Variants in SPATA6L observed in about 807,000 individuals in gnomAD.
SPATA6L encodes the protein spermatogenesis associated 6-like protein.
A neutral mutation model predicts 49.2 loss-of-function variants in SPATA6L; 68 were observed. The observed-to-expected ratio is 1.38, with a 90% CI of 1.14 to 1.69. SPATA6L has a LOEUF of 1.69. SPATA6L is among the 40% of genes most tolerant of loss of function. SPATA6L has a pLI of 0.00. For missense variants in SPATA6L, 668 were observed against 464.3 expected (o/e 1.44, Z -4.03); for synonymous variants, 198 against 165.7 (o/e 1.19, Z -1.50).
intron 7 of SPATA6L, 21 bp from the exon 8 acceptor site, chr9:4,618,919 C>G (rs1448911750): frequency 1.2e-6 from 2 of 1,611,576 alleles, no homozygotes; most frequent in East Asian, 2.2e-5. Flanking sequence ...GAGGAACAGG[C>G]ATTTCAATGA....
chr9:4,590,630 G>A (rs975281748), intron 13 of SPATA6L, among the ~76,000 whole-genome samples: 2 of 152,074 alleles, frequency 1.3e-5, no homozygotes, highest in Non-Finnish European at 2.9e-5. Flanking sequence ...CTCTTCTAGG[G>A]GATTTCCACT....
At chr9:4,617,325 A>C (rs1347102530) in intron 9 of SPATA6L, 1 of 152,236 alleles carries the variant, frequency 6.6e-6, no homozygotes, top group Admixed American at 6.5e-5. Context: ...TGGTTTGCCT[A>C]AGATTCAAGG....
intron 4 of SPATA6L, 105 bp from the exon 5 acceptor site, chr9:4,629,273 GC>G: frequency 2.9e-6 from 2 of 684,880 alleles, no homozygotes; most frequent in African/African-American, 1.8e-5. Flanking sequence ...CTTCTGTGTG[GC>G]ATAATCCACA....
rs1822949225 is a variant in SPATA6L, at chr9:4,600,483, C to CAGAGAGAAAGAGAGAGAGAGAGAG, written c.*327_*328insCTCTCTCTCTCTCTCTTTCTCTCT. ...TTTGAGAGAGAGAGACAGAGAGAGCCAGAGAGAGCCAGAGAGAGAGAGAGG... is the reference window on the plus strand; with the variant it reads ...TTTGAGAGAGAGAGACAGAGAGAGCCAGAGAGAAAGAGAGAGAGAGAGAGAGAGAGAGCCAGAGAGAGAGAGAGG... On this transcript the variant is annotated 3_prime_UTR_variant, in exon 12 of 12. Transcript: ENST00000682582. 1 of 19,440 alleles carries CAGAGAGAAAGAGAGAGAGAGAGAG rather than the reference C, an allele frequency of 5.1e-5. No individual in the cohort carries two copies. The highest frequency in any genetic ancestry group is 1.7e-4 in the African/African-American group (1 of 5,868). The allele number at this position is 19,440 out of a possible 1,614,324, so 1.2% of individuals were successfully genotyped here. A position where few individuals can be genotyped will look rare whatever the true frequency, so the allele number is the denominator to read the frequency against.
At chr9:4,605,296 G>A (rs1019371591) in intron 10 of SPATA6L, 51 bp downstream of exon 10, 9 of 1,407,472 alleles carry the variant, frequency 6.4e-6, no homozygotes, top group African/African-American at 5.6e-5. Context: ...GTAGGTCCCT[G>A]TTCACATATT....
At chr9:4,619,432 A>G (rs1267065010) in intron 7 of SPATA6L, among the ~76,000 whole-genome samples, 1 of 152,130 alleles carries the variant, frequency 6.6e-6, no homozygotes, top group African/African-American at 2.4e-5. Flanking sequence ...TCCTGGGATT[A>G]CAGGTGTAAG....
intron 9 of SPATA6L, among the ~76,000 whole-genome samples, chr9:4,616,907 A>G (rs1238981797): frequency 1.3e-5 from 2 of 152,170 alleles, no homozygotes; most frequent in Non-Finnish European, 2.9e-5. Context: ...TTAAAAATCT[A>G]TGTTGTATTA....
At chr9:4,649,062 TACACACAC>T (rs55949521) in intron 3 of SPATA6L, among the ~76,000 whole-genome samples, 4,452 of 150,134 alleles carry the variant, frequency 0.03, 181 homozygotes, top group African/African-American at 0.097. Flanking sequence ...TATAGAAATA[TACACACAC>T]ACACACACAC....
At chr9:4,592,939 GA>G (rs944233970) in intron 13 of SPATA6L, among the ~76,000 whole-genome samples, 1 of 152,014 alleles carries the variant, frequency 6.6e-6, no homozygotes, top group Non-Finnish European at 1.5e-5. Context: ...AGTGGTTTAA[GA>G]AAAAAAGAAT....
At chr9:4,654,947 G>A (rs796579285) in intron 3 of SPATA6L, among the ~76,000 whole-genome samples, 4 of 152,124 alleles carry the variant, frequency 2.6e-5, no homozygotes, top group Admixed American at 6.5e-5. Flanking sequence ...TTCCTGTACC[G>A]AGCACTTCCC....
chr9:4,649,041 A>ATT (rs1000227505), intron 3 of SPATA6L, among the ~76,000 whole-genome samples: 1 of 137,636 alleles, frequency 7.3e-6, no homozygotes, highest in Non-Finnish European at 1.5e-5. Flanking sequence ...ATTCCATCAT[A>ATT]TATAATGGAA....
At chr9:4,621,130 C>T (rs1282475546) in intron 7 of SPATA6L, among the ~76,000 whole-genome samples, 1 of 152,188 alleles carries the variant, frequency 6.6e-6, no homozygotes, top group Non-Finnish European at 1.5e-5. Context: ...TCCAGTACTA[C>T]CAGCAGGCAA....
rs1220971143 is a variant in SPATA6L, at chr9:4,619,686, C to G, written c.773-788G>C. Among the ~76,000 whole-genome samples, 4 of 151,906 alleles carry G rather than the reference C, an allele frequency of 2.6e-5. No homozygotes were observed. In the East Asian group the frequency reaches 7.7e-4, roughly 29 times the overall value. On this transcript the variant is annotated intron_variant, in intron 7 of 11. Transcript: ENST00000682582. Reference sequence around the variant, plus strand: ...TGCAGGAGCTCTTGAATATATTTGTCCAAGGTAGACACAAATGTTAAATTG... The same window carrying G: ...TGCAGGAGCTCTTGAATATATTTGTGCAAGGTAGACACAAATGTTAAATTG...
Position 4,599,462 on chromosome 9 carries a change from C to G in SPATA6L, c.*1349G>C, listed in dbSNP as rs933477451. On this transcript the variant is annotated 3_prime_UTR_variant, in exon 12 of 12. Coordinates refer to ENST00000682582, the MANE Select transcript of SPATA6L (RefSeq NM_001353486.2). ...GTGAGAAAAGAAAACTTGGCTCTCA[C>G]TGAATCTTCTAAAAACTGAACAAGT... 6.6e-6 allele frequency among the ~76,000 whole-genome samples: 1 copy of G among 152,224 alleles called. No homozygotes were observed. The highest frequency in any genetic ancestry group is 1.5e-5 in the Non-Finnish European group (1 of 68,040).
At chr9:4,607,753 C>G (rs1046456887) in intron 9 of SPATA6L, among the ~76,000 whole-genome samples, 1 of 152,122 alleles carries the variant, frequency 6.6e-6, no homozygotes, top group East Asian at 1.9e-4. Flanking sequence ...GCAAAATAAC[C>G]AGCTAACATC....
chr9:4,644,163 A>G (rs1039127985), intron 3 of SPATA6L, among the ~76,000 whole-genome samples: 2 of 134,516 alleles, frequency 1.5e-5, no homozygotes, highest in African/African-American at 5.3e-5. Context: ...CCTAGGCAAC[A>G]TAGTAAGATG....
intron 13 of SPATA6L, among the ~76,000 whole-genome samples, chr9:4,589,340 G>A (rs910779238): frequency 6.6e-6 from 1 of 152,146 alleles, no homozygotes; most frequent in Non-Finnish European, 1.5e-5. Flanking sequence ...TTAACATGGG[G>A]TAATCCGTAG....
chr9:4,608,306 C>A (rs1586993122), intron 9 of SPATA6L, among the ~76,000 whole-genome samples: 1 of 77,710 alleles, frequency 1.3e-5, no homozygotes, highest in South Asian at 5.2e-4. Flanking sequence ...TAATAGACAT[C>A]TACAGAACTC....
At chr9:4,645,082 T>C (rs1835059293) in intron 3 of SPATA6L, among the ~76,000 whole-genome samples, 1 of 152,200 alleles carries the variant, frequency 6.6e-6, no homozygotes, top group Admixed American at 6.6e-5. Context: ...ATAACGAAAT[T>C]TGAATTTCAT....
Sources: allele counts gnomAD v4.1 joint callset (sites outside exome capture counted in the v4.1 genomes callset), GRCh38; gene constraint gnomAD v4.1.1; transcripts MANE v1.5; gene names NCBI Gene and HGNC (gene_info 2026-07-23, HGNC 2026-07-21).